ELF2: variants seen among roughly 807,000 people sequenced by gnomAD.
The protein encoded by ELF2 is E74 like ETS transcription factor 2, also known as ETS-related transcription factor Elf-2.
In ELF2, 11 loss-of-function variants were observed where a neutral mutation model predicts 54.8. The ratio of observed to expected loss-of-function variants is 0.20; its 90% CI spans 0.13 to 0.33. The LOEUF is 0.33. Ranked by LOEUF, ELF2 falls within the 10% of genes least tolerant of loss-of-function variation. ELF2 has a pLI of 1.00. For missense variants in ELF2, 513 were observed against 703.0 expected (o/e 0.73, Z 3.06); for synonymous variants, 203 against 245.1 (o/e 0.83, Z 1.61).
At chr4:139,161,167 G>A (rs1245469211) in intron 1 of ELF2, among the ~76,000 whole-genome samples, 2 of 152,116 alleles carry the variant, frequency 1.3e-5, no homozygotes, top group Non-Finnish European at 2.9e-5. Context: ...AGATAAGTGA[G>A]TGCTTACATA....
intron 4 of ELF2, among the ~76,000 whole-genome samples, chr4:139,106,590 G>T (rs1734434470): frequency 1.3e-5 from 2 of 150,592 alleles, no homozygotes; most frequent in Non-Finnish European, 3.0e-5. Flanking sequence ...TTTGAGACAG[G>T]GTCTCGCTCT....
chr4:139,127,495 T>C (rs1737040562), intron 3 of ELF2, among the ~76,000 whole-genome samples: 3 of 152,306 alleles, frequency 2.0e-5, no homozygotes, highest in African/African-American at 7.2e-5. Context: ...ATTAGCTTGG[T>C]AAACTATTTT....
chr4:139,114,749 T>TA (rs1157317809), intron 4 of ELF2, among the ~76,000 whole-genome samples: 9 of 136,316 alleles, frequency 6.6e-5, no homozygotes, highest in Non-Finnish European at 9.2e-5. Context: ...TTAATAACAA[T>TA]AAAAAAACCC....
chr4:139,151,409 A>C (rs1739983377), intron 1 of ELF2, among the ~76,000 whole-genome samples: 1 of 152,204 alleles, frequency 6.6e-6, no homozygotes. Flanking sequence ...AGAGACTGGC[A>C]AAAGTTATTT....
chr4:139,116,126 G>A (rs545188582), intron 4 of ELF2, among the ~76,000 whole-genome samples: 6 of 152,302 alleles, frequency 3.9e-5, no homozygotes, highest in Non-Finnish European at 8.8e-5. Context: ...ATACCTGGCT[G>A]ATAGTTATTA....
chr4:139,086,848 A>G (rs748431729), intron 4 of ELF2, among the ~76,000 whole-genome samples: 31 of 152,218 alleles, frequency 2.0e-4, no homozygotes, highest in Non-Finnish European at 1.3e-4. Context: ...AAAAGCCTTC[A>G]TAAGGCATAA....
Position 139,059,186 on chromosome 4 carries a change from T to C in ELF2, c.1579A>G (p.Ser527Gly), listed in dbSNP as rs1560744431. The change falls in exon 10 of 10, where the codon AGT (serine) becomes GGT (glycine). Residue 527 changes from serine to glycine, a missense_variant. Physicochemically the swap from Ser to Gly is moderately conservative, Grantham distance 56. This residue lies in a region of ELF2 where 291 missense variants were observed against 366.1 expected (regional missense o/e 0.79). Coordinates refer to ENST00000686138, the MANE Select transcript of ELF2 (RefSeq NM_001331036.3). ...ASGQTPPRVI[S>G]AVIKGPEVKS... ...ACCTCTGGCCCCTTTATGACTGCACTGATAACTCGAGGAGGAGTCTGGCCA... is the reference window on the plus strand; with the variant it reads ...ACCTCTGGCCCCTTTATGACTGCACCGATAACTCGAGGAGGAGTCTGGCCA... 3.7e-6 allele frequency: 6 copies of C among 1,613,870 alleles called. No homozygotes were observed. Among genetic ancestry groups the C allele is most frequent in the Non-Finnish European group, 5.1e-6 (6 of 1,179,872 alleles).
chr4:139,061,154 T>A (rs762425768), intron 8 of ELF2, among the ~76,000 whole-genome samples: 2 of 151,838 alleles, frequency 1.3e-5, no homozygotes, highest in Non-Finnish European at 2.9e-5. Context: ...ATGAAAGAAT[T>A]TTGTGGGTTT....
chr4:139,115,374 T>A (rs895554730), intron 4 of ELF2: 3 of 1,068,912 alleles, frequency 2.8e-6, no homozygotes, highest in Non-Finnish European at 1.1e-6. Flanking sequence ...CTGTCCGCCA[T>A]GGCGGCCGCC....
At chr4:139,166,552 C>T (rs543499290) in intron 1 of ELF2, among the ~76,000 whole-genome samples, 2 of 152,162 alleles carry the variant, frequency 1.3e-5, no homozygotes, top group South Asian at 2.1e-4. Context: ...AGAAAAACTG[C>T]TAATTAAGAT....
chr4:139,164,996 C>T (rs1195621005), intron 1 of ELF2, among the ~76,000 whole-genome samples: 1 of 152,234 alleles, frequency 6.6e-6, no homozygotes, highest in Non-Finnish European at 1.5e-5. Context: ...TTCATCAGGT[C>T]CAACTTCCAG....
intron 6 of ELF2, among the ~76,000 whole-genome samples, chr4:139,070,696 T>C (rs1394961904): frequency 2.0e-5 from 3 of 152,204 alleles, no homozygotes; most frequent in African/African-American, 7.2e-5. Context: ...TTTATATGTA[T>C]GCCTTTTGTT....
intron 1 of ELF2, among the ~76,000 whole-genome samples, chr4:139,156,268 C>T (rs184549807): frequency 0.011 from 1,656 of 152,180 alleles, 32 homozygotes; most frequent in African/African-American, 0.038. Context: ...CTCCGCCTCC[C>T]GGGTTCACGC....
intron 7 of ELF2, among the ~76,000 whole-genome samples, chr4:139,065,149 G>A (rs1170160737): frequency 6.6e-6 from 1 of 152,068 alleles, no homozygotes; most frequent in African/African-American, 2.4e-5. Flanking sequence ...TCCATGTTTT[G>A]AATTAAACTC....
chr4:139,077,217 T>G (rs1051516695), intron 4 of ELF2, among the ~76,000 whole-genome samples: 4 of 152,188 alleles, frequency 2.6e-5, no homozygotes, highest in Non-Finnish European at 4.4e-5. Context: ...GCACTATATA[T>G]TTCCAGTGGA....
rs116290591 is a variant in ELF2 at position 139,142,708 on chromosome 4, G to C, written c.-251-3211C>G. Among the ~76,000 whole-genome samples, 1,456 of 152,190 alleles carry C rather than the reference G, an allele frequency of 9.6e-3. 10 individuals carry two copies. The highest frequency in any genetic ancestry group is 0.02 in the Middle Eastern group (6 of 294). On this transcript the variant is annotated intron_variant, in intron 1 of 9. Transcript: ENST00000686138. ...TGAGAAGTGATACAGGCTGGGACCA[G>C]AGTGGTAGTTCTGGAGGTAGTGAAA...
At chr4:139,092,414 T>TAACAAACCAA in intron 4 of ELF2, among the ~76,000 whole-genome samples, 1 of 87,822 alleles carries the variant, frequency 1.1e-5, no homozygotes, top group East Asian at 3.3e-4. Flanking sequence ...TAACATAACA[T>TAACAAACCAA]ACATAACATA....
chr4:139,120,264 T>C (rs1460887060), intron 4 of ELF2, among the ~76,000 whole-genome samples: 1 of 151,682 alleles, frequency 6.6e-6, no homozygotes, highest in East Asian at 1.9e-4. Context: ...CCCTTATATG[T>C]CATGTAAGAT....
At chr4:139,088,005 G>A (rs1051864471) in intron 4 of ELF2, among the ~76,000 whole-genome samples, 1 of 151,988 alleles carries the variant, frequency 6.6e-6, no homozygotes, top group East Asian at 1.9e-4. Context: ...AAAAATTTTA[G>A]GCTGGTCACA....
Sources: gnomAD v4.1 joint callset for allele counts (sites outside exome capture counted in the v4.1 genomes callset) on GRCh38, gnomAD v4.1.1 for gene constraint, gnomAD v4.1.1 regional missense constraint, MANE v1.5 for transcripts, NCBI Gene and HGNC (gene_info 2026-07-23, HGNC 2026-07-21) for gene names.